The following AHI1 variants were observed in gnomAD, a reference collection of about 807,000 sequenced individuals.
AHI1 encodes the protein Abelson helper integration site 1.
Under a neutral mutation model 149.3 loss-of-function variants are expected in AHI1, and 123 were observed. That is an observed-to-expected ratio of 0.82 (90% CI 0.71 to 0.96). AHI1 has a LOEUF of 0.96. Among genes scored for constraint, AHI1 ranks in the 40% least tolerant of loss-of-function variants. The pLI, the probability that AHI1 is intolerant of heterozygous loss-of-function variation, is 0.00. For synonymous variants in AHI1, 475 were observed against 459.8 expected, an observed-to-expected ratio of 1.03 and a Z score of -0.42; for missense variants, 1,439 against 1,422.7, an observed-to-expected ratio of 1.01 and a Z score of -0.18.
At chr6:135,446,153 C>T (rs1276905695) in intron 13 of AHI1, among the ~76,000 whole-genome samples, 1 of 152,142 alleles carries the variant, frequency 6.6e-6, no homozygotes, top group East Asian at 1.9e-4. Context: ...GTCCTCTCTC[C>T]TCCCACTCAC....
At chr6:135,439,296 T>C (rs1313089703) in intron 14 of AHI1, among the ~76,000 whole-genome samples, 1 of 152,246 alleles carries the variant, frequency 6.6e-6, no homozygotes, top group Non-Finnish European at 1.5e-5. Flanking sequence ...AGTAGTGTTA[T>C]GAAATCTCAT....
intron 21 of AHI1, among the ~76,000 whole-genome samples, chr6:135,406,430 T>C (rs949723769): frequency 3.3e-5 from 5 of 152,202 alleles, no homozygotes; most frequent in Non-Finnish European, 5.9e-5. Context: ...TTGTGTGATC[T>C]TGGTTATGTG....
intron 12 of AHI1, among the ~76,000 whole-genome samples, chr6:135,447,521 A>G (rs1295096415): frequency 6.6e-6 from 1 of 152,222 alleles, no homozygotes; most frequent in Non-Finnish European, 1.5e-5. Flanking sequence ...AACTAGTATC[A>G]TAAAAATCTC....
chr6:135,414,387 C>T (rs1232093352), intron 20 of AHI1, among the ~76,000 whole-genome samples: 3 of 152,136 alleles, frequency 2.0e-5, no homozygotes, highest in African/African-American at 7.2e-5. Flanking sequence ...TTGGGTTAGG[C>T]AAAGATTTCT....
intron 20 of AHI1, among the ~76,000 whole-genome samples, chr6:135,426,223 G>A (rs1783894739): frequency 6.6e-6 from 1 of 151,550 alleles, no homozygotes; most frequent in Non-Finnish European, 1.5e-5. Context: ...TGTGTTGCTT[G>A]GCAATTCTAC....
intron 25 of AHI1, among the ~76,000 whole-genome samples, chr6:135,321,747 G>C (rs948544654): frequency 6.6e-6 from 1 of 152,146 alleles, no homozygotes; most frequent in African/African-American, 2.4e-5. Context: ...AGAAACAAAA[G>C]ACTTAAATAT....
intron 19 of AHI1, among the ~76,000 whole-genome samples, chr6:135,428,023 A>G (rs1784143329): frequency 6.6e-6 from 1 of 151,630 alleles, no homozygotes; most frequent in Non-Finnish European, 1.5e-5. Flanking sequence ...AAAAAATCAA[A>G]TACTGTTCAT....
At chr6:135,297,906 T>C (rs1783340310) in intron 27 of AHI1, among the ~76,000 whole-genome samples, 1 of 152,130 alleles carries the variant, frequency 6.6e-6, no homozygotes, top group African/African-American at 2.4e-5. Context: ...AGCCGCACCA[T>C]ATTAAGAAGA....
chr6:135,289,932 C>T (rs1332295699), intron 28 of AHI1, among the ~76,000 whole-genome samples: 1 of 151,912 alleles, frequency 6.6e-6, no homozygotes. Context: ...ACACATTTTC[C>T]CACTGGCGTA....
At chr6:135,485,044 A>G (rs1794267839) in intron 5 of AHI1, among the ~76,000 whole-genome samples, 1 of 151,858 alleles carries the variant, frequency 6.6e-6, no homozygotes, top group Admixed American at 6.6e-5. Flanking sequence ...CAACCTAACA[A>G]TAATATTTAT....
intron 23 of AHI1, among the ~76,000 whole-genome samples, chr6:135,385,807 A>G (rs554372309): frequency 2.6e-4 from 39 of 152,320 alleles, no homozygotes; most frequent in African/African-American, 7.7e-4. Context: ...GCCACAAAAC[A>G]AAAACAAAAA....
chr6:135,454,517 C>A (rs1387985325), intron 10 of AHI1, among the ~76,000 whole-genome samples: 1 of 152,120 alleles, frequency 6.6e-6, no homozygotes, highest in African/African-American at 2.4e-5. Flanking sequence ...TCCTTGCACA[C>A]ACATCTTCAC....
At chr6:135,472,018 C>CAAAAAAAAAAAAAA in intron 5 of AHI1, among the ~76,000 whole-genome samples, 98 of 54,422 alleles carry the variant, frequency 1.8e-3, no homozygotes, top group East Asian at 3.0e-3. Flanking sequence ...GACTCCGTCT[C>CAAAAAAAAAAAAAA]AAAAAAAAAA....
chr6:135,448,396 G>C lies in AHI1; in HGVS notation c.1520C>G (p.Ser507Cys), dbSNP rs772269905. The change falls in exon 12 of 29, where the codon TCC becomes TGC. Residue 507 changes from serine to cysteine, a missense_variant. Physicochemically the swap from Ser to Cys is moderately radical, Grantham distance 112. Transcript: ENST00000265602. ...AAATGCCTCAACAACACTTAATGGG[G>C]ATCGAGGCTTAGTAGGTGGGTAATA... ...QLYYPPTKPR[S>C]PLSVVEAFEW... 2.5e-6 allele frequency: 4 copies of C among 1,606,598 alleles called. No individual in the cohort carries two copies. The highest frequency in any genetic ancestry group is 2.6e-6 in the Non-Finnish European group (3 of 1,175,080).
rs1458095772 is a variant in AHI1 at position 135,490,655 on chromosome 6, T to C, written c.103A>G (p.Lys35Glu). The change falls in exon 5 of 29, where the codon AAA becomes GAA. Residue 35 changes from lysine to glutamate, a missense_variant. Coordinates refer to ENST00000265602, the MANE Select transcript of AHI1 (RefSeq NM_001134831.2). The stretch of plus-strand genomic sequence containing the variant: ...TTTTCTTCAGACCTGACAAGTTTTT[T>C]CTTCAGTTTTTTCTTTTCACGCATT... ...DLMREKKKLK[K>E]KLVRSEENIS... The C allele has an allele frequency of 5.6e-6, 9 of 1,613,704 alleles. No homozygotes were observed. The highest frequency in any genetic ancestry group is 7.6e-6 in the Non-Finnish European group (9 of 1,179,720).
intron 25 of AHI1, among the ~76,000 whole-genome samples, chr6:135,319,327 A>G (rs531430380): frequency 6.6e-6 from 1 of 152,242 alleles, no homozygotes; most frequent in Non-Finnish European, 1.5e-5. Context: ...AAATATAATA[A>G]TTAGCTGGGC....
intron 5 of AHI1, among the ~76,000 whole-genome samples, chr6:135,480,498 C>T (rs940230950): frequency 3.3e-5 from 5 of 151,996 alleles, no homozygotes; most frequent in East Asian, 1.9e-4. Flanking sequence ...AAGTATACTT[C>T]TATTTATTTC....
intron 4 of AHI1, 133 bp downstream of exon 4, chr6:135,492,095 C>G: frequency 1.8e-6 from 1 of 566,046 alleles, no homozygotes; most frequent in Admixed American, 3.7e-5. Context: ...ATAAGTATCT[C>G]TAAATGTAGT....
chr6:135,386,798 T>C (rs996442849), intron 23 of AHI1, among the ~76,000 whole-genome samples: 2 of 151,794 alleles, frequency 1.3e-5, no homozygotes, highest in Admixed American at 6.6e-5. Flanking sequence ...GCCTGGCTAA[T>C]TTTTGTAATT....
Sources: allele counts gnomAD v4.1 joint callset (sites outside exome capture counted in the v4.1 genomes callset), GRCh38; gene constraint gnomAD v4.1.1; transcripts MANE v1.5; gene names NCBI Gene and HGNC (gene_info 2026-07-23, HGNC 2026-07-21).